The following NAALADL2 variants were observed in gnomAD, a reference collection of about 807,000 sequenced individuals.
NAALADL2 encodes inactive N-acetylated-alpha-linked acidic dipeptidase-like protein 2.
A neutral mutation model predicts 87.2 loss-of-function variants in NAALADL2; 76 were observed. That is an observed-to-expected ratio of 0.87 (90% CI 0.72 to 1.05). The LOEUF (loss-of-function observed/expected upper bound fraction) is 1.05, where lower values mean the gene tolerates loss of function less well. NAALADL2 is among the 50% of genes least tolerant of loss of function. NAALADL2 has a pLI of 0.00. For synonymous variants in NAALADL2, 354 were observed against 331.0 expected, an observed-to-expected ratio of 1.07 and a Z score of -0.75; for missense variants, 1,089 against 945.8, an observed-to-expected ratio of 1.15 and a Z score of -1.99.
chr3:174,501,390 T>C (rs1314172700), intron 1 of NAALADL2, among the ~76,000 whole-genome samples: 2 of 152,162 alleles, frequency 1.3e-5, no homozygotes, highest in African/African-American at 4.8e-5. Context: ...TTTTTTCTTA[T>C]ACTAAGATAG....
intron 6 of NAALADL2, 59 bp from the exon 7 acceptor site, chr3:175,463,342 G>C: frequency 9.1e-7 from 1 of 1,098,246 alleles, no homozygotes; most frequent in Non-Finnish European, 1.3e-6. Flanking sequence ...AAATTTTAAG[G>C]TTTAAAAAAT....
At chr3:175,552,476 A>G (rs970499810) in intron 9 of NAALADL2, among the ~76,000 whole-genome samples, 1 of 152,190 alleles carries the variant, frequency 6.6e-6, no homozygotes, top group African/African-American at 2.4e-5. Flanking sequence ...GATGTTGAAC[A>G]TCCAGTTTAT....
intron 11 of NAALADL2, among the ~76,000 whole-genome samples, chr3:175,655,156 G>A (rs1387439813): frequency 6.6e-6 from 1 of 151,996 alleles, no homozygotes; most frequent in East Asian, 1.9e-4. Context: ...TGTAAATGAT[G>A]CCATGTACTC....
intron 5 of NAALADL2, among the ~76,000 whole-genome samples, chr3:175,382,137 G>C (rs969604386): frequency 6.6e-6 from 1 of 152,046 alleles, no homozygotes; most frequent in Non-Finnish European, 1.5e-5. Flanking sequence ...CACCTTCCAG[G>C]ATAAAAGCAT....
chr3:175,100,941 A>AG (rs1288389910), intron 2 of NAALADL2, among the ~76,000 whole-genome samples: 1 of 150,716 alleles, frequency 6.6e-6, no homozygotes, highest in African/African-American at 2.4e-5. Flanking sequence ...TGAGAGGGAG[A>AG]GGGCAGGAGG....
intron 2 of NAALADL2, among the ~76,000 whole-genome samples, chr3:175,120,335 A>G (rs116490022): frequency 0.011 from 1,623 of 151,924 alleles, 32 homozygotes; most frequent in African/African-American, 0.037. Flanking sequence ...AAACATAGAA[A>G]TCTATTAAAA....
rs1713885889 is a variant in NAALADL2, at chr3:175,413,063, G to GT, written c.1091-34165dup. Among the ~76,000 whole-genome samples, 3 of 148,790 alleles carry GT rather than the reference G, an allele frequency of 2.0e-5. No individual in the cohort carries two copies. In the South Asian group the frequency reaches 6.5e-4, roughly 32 times the overall value. The stretch of plus-strand genomic sequence containing the variant: ...CTTCCCACGCCCGGTTAATTTTTTT[G>GT]TATTTTTAGTAGAGATGGGGTTTCA... On this transcript the variant is annotated intron_variant, in intron 5 of 13. Transcript: ENST00000454872.
chr3:175,081,363 T>A (rs954066243), intron 1 of NAALADL2, among the ~76,000 whole-genome samples: 3 of 152,208 alleles, frequency 2.0e-5, no homozygotes, highest in African/African-American at 7.2e-5. Context: ...ATGATTTTGA[T>A]GTTCACTGGT....
At chr3:174,921,830 A>G (rs1321696764) in intron 1 of NAALADL2, among the ~76,000 whole-genome samples, 1 of 125,496 alleles carries the variant, frequency 8.0e-6, no homozygotes, top group African/African-American at 3.6e-5. Context: ...AAGAAAAAGA[A>G]AAAGAAAAGA....
At chr3:175,556,818 G>GAA in intron 9 of NAALADL2, among the ~76,000 whole-genome samples, 2 of 152,082 alleles carry the variant, frequency 1.3e-5, no homozygotes, top group South Asian at 4.2e-4. Context: ...TTATTTATTG[G>GAA]TGTTAACATT....
intron 5 of NAALADL2, among the ~76,000 whole-genome samples, chr3:175,378,293 A>C (rs1033364097): frequency 6.6e-6 from 1 of 151,962 alleles, no homozygotes; most frequent in African/African-American, 2.4e-5. Context: ...CTGCTCCTGC[A>C]CTCCAGTTCC....
chr3:175,501,528 C>A (rs1477144321), intron 9 of NAALADL2, among the ~76,000 whole-genome samples: 1 of 151,686 alleles, frequency 6.6e-6, no homozygotes, highest in Non-Finnish European at 1.5e-5. Context: ...CATTTTAATA[C>A]CTTGGACTGA....
chr3:175,612,781 A>G (rs1724819879), intron 10 of NAALADL2, among the ~76,000 whole-genome samples: 1 of 152,190 alleles, frequency 6.6e-6, no homozygotes, highest in Non-Finnish European at 1.5e-5. Context: ...CTTATGATTG[A>G]GACAATTTCT....
At chr3:175,689,391 G>T (rs1736742316) in intron 11 of NAALADL2, among the ~76,000 whole-genome samples, 1 of 152,064 alleles carries the variant, frequency 6.6e-6, no homozygotes, top group Non-Finnish European at 1.5e-5. Context: ...TGCTAGATAA[G>T]CTAGGAAGCT....
At chr3:174,621,898 A>C (rs1721046587) in intron 2 of NAALADL2, among the ~76,000 whole-genome samples, 1 of 152,216 alleles carries the variant, frequency 6.6e-6, no homozygotes. Context: ...TGCAGTCGTC[A>C]TCCAGTAGGT....
At chr3:175,411,935 G>A (rs1713599417) in intron 5 of NAALADL2, among the ~76,000 whole-genome samples, 2 of 151,838 alleles carry the variant, frequency 1.3e-5, no homozygotes, top group African/African-American at 4.8e-5. Context: ...GCAGAGGAAG[G>A]GCTAGAGTCA....
intron 3 of NAALADL2, among the ~76,000 whole-genome samples, chr3:175,245,487 T>C (rs1211512834): frequency 2.0e-5 from 3 of 152,184 alleles, no homozygotes; most frequent in Non-Finnish European, 4.4e-5. Context: ...ATGTGCATTA[T>C]ATGTTAGATT....
At chr3:174,932,973 T>C (rs971512889) in intron 1 of NAALADL2, among the ~76,000 whole-genome samples, 8 of 152,062 alleles carry the variant, frequency 5.3e-5, no homozygotes, top group Non-Finnish European at 8.8e-5. Context: ...CAAAATTAGC[T>C]GGGTGTGGTG....
At chr3:174,794,520 AC>A (rs1221236064) in intron 3 of NAALADL2, among the ~76,000 whole-genome samples, 1 of 152,160 alleles carries the variant, frequency 6.6e-6, no homozygotes, top group Non-Finnish European at 1.5e-5. Context: ...GAGGTTGATT[AC>A]AGTTCTCCAG....
Sources: gnomAD v4.1 joint callset for allele counts (sites outside exome capture counted in the v4.1 genomes callset) on GRCh38, gnomAD v4.1.1 for gene constraint, MANE v1.5 for transcripts, NCBI Gene and HGNC (gene_info 2026-07-23, HGNC 2026-07-21) for gene names.